The following IGF1R variants were observed in gnomAD, a reference collection of about 807,000 sequenced individuals.
The protein encoded by IGF1R is insulin like growth factor 1 receptor.
A neutral mutation model predicts 144.6 loss-of-function variants in IGF1R; 44 were observed. That is an observed-to-expected ratio of 0.30 (90% confidence interval 0.24 to 0.39). The LOEUF (loss-of-function observed/expected upper bound fraction) is 0.39. Among genes scored for constraint, IGF1R ranks in the 10% least tolerant of loss-of-function variants. The probability of loss-of-function intolerance (pLI) is 1.00; values close to 1 mark genes in which losing one functional copy is unlikely to be tolerated. For synonymous variants in IGF1R, 795 were observed against 722.8 expected, an observed-to-expected ratio of 1.10 and a Z score of -1.60; for missense variants, 1,355 against 1,833.7, an observed-to-expected ratio of 0.74 and a Z score of 4.77.
chr15:98,853,473 G>T (rs920623364), intron 2 of IGF1R, among the ~76,000 whole-genome samples: 50 of 152,192 alleles, frequency 3.3e-4, no homozygotes, highest in Non-Finnish European at 1.0e-4. Flanking sequence ...AATACAGCAT[G>T]TGGCATTCAG....
intron 2 of IGF1R, among the ~76,000 whole-genome samples, chr15:98,794,139 A>G (rs1013250444): frequency 3.6e-4 from 55 of 152,200 alleles, no homozygotes; most frequent in Non-Finnish European, 7.1e-4. Context: ...GTTCTTCAGC[A>G]GCTGTGAGTT....
chr15:98,935,090 A>G lies in IGF1R; in HGVS notation c.3186+37A>G. The G allele has an allele frequency of 6.6e-7, 1 of 1,507,248 alleles. No homozygotes were observed. Among genetic ancestry groups the G allele is most frequent in the Non-Finnish European group, 9.2e-7 (1 of 1,083,500 alleles). 93.4% of individuals were successfully genotyped at this position (1,507,248 alleles called of 1,614,324 possible). On this transcript the variant is annotated intron_variant, in intron 16 of 20. Transcript: ENST00000650285. The surrounding 1 kb of genome is among the most constrained non-coding windows in gnomAD (Gnocchi z 4.2). The stretch of plus-strand genomic sequence containing the variant: ...TTCCTGAAAAGCCAAAATGCAGCAC[A>G]GGGAGAGGGTATCACACAAGCCTCC...
At chr15:98,915,755 C>G (rs574626101) in intron 8 of IGF1R, among the ~76,000 whole-genome samples, 23 of 152,194 alleles carry the variant, frequency 1.5e-4, no homozygotes, top group Non-Finnish European at 2.8e-4. Context: ...CAGAGATTAC[C>G]GGAGGAAATA....
chr15:98,856,694 T>A (rs1319051348), intron 2 of IGF1R, among the ~76,000 whole-genome samples: 1 of 152,250 alleles, frequency 6.6e-6, no homozygotes, highest in South Asian at 2.1e-4. Context: ...TGCTGTTCTT[T>A]AGCAAAATAC....
chr15:98,681,418 A>T (rs1332831769), intron 1 of IGF1R, among the ~76,000 whole-genome samples: 2 of 152,184 alleles, frequency 1.3e-5, no homozygotes, highest in Non-Finnish European at 2.9e-5. Context: ...CAATGGGTGC[A>T]GGTAATGGGT....
chr15:98,896,901 G>A lies in IGF1R; in HGVS notation c.1098G>A (p.Arg366=), dbSNP rs201543446. The A allele has an allele frequency of 4.3e-6, 7 of 1,613,932 alleles. No homozygotes were observed. The highest frequency in any genetic ancestry group is 5.9e-6 in the Non-Finnish European group (7 of 1,179,968). Residue 366 remains arginine (R), a synonymous_variant, in exon 4 of 21, where the codon CGG becomes CGA. Coordinates refer to ENST00000650285, the MANE Select transcript of IGF1R (RefSeq NM_000875.5). ...FKGNLLINIR[R]GNNIASELEN... ...GCAATTTGCTCATTAACATCCGACG[G>A]GGGAGTAAGTATTCCATCCCCCTGG...
intron 2 of IGF1R, among the ~76,000 whole-genome samples, chr15:98,767,151 C>G (rs142161652): frequency 7.2e-4 from 109 of 152,206 alleles, no homozygotes; most frequent in Non-Finnish European, 1.3e-3. Flanking sequence ...CTCCCTAGAT[C>G]ATTATTTTTA....
Position 98,670,466 on chromosome 15 carries a change from A to G in IGF1R, c.94+20791A>G, listed in dbSNP as rs140305218. Among the ~76,000 whole-genome samples the G allele has an allele frequency of 9.9e-5, 15 of 152,246 alleles. No homozygotes were observed. The East Asian group carries it at 2.9e-3, about 29-fold the overall frequency. On this transcript the variant is annotated intron_variant, in intron 1 of 20. Transcript: ENST00000650285. ...ATCAGGGATGGTTTTCCAGGTCTGT[A>G]AAGGCTGGGGTAAGAGGAATGGTTG...
At chr15:98,679,005 C>G (rs542121006) in intron 1 of IGF1R, among the ~76,000 whole-genome samples, 2 of 146,848 alleles carry the variant, frequency 1.4e-5, no homozygotes, top group Non-Finnish European at 1.5e-5. Context: ...CACTGTAGCC[C>G]CAGCCCACTG....
At chr15:98,931,411 T>A (rs545676725) in intron 15 of IGF1R, among the ~76,000 whole-genome samples, 1 of 152,342 alleles carries the variant, frequency 6.6e-6, no homozygotes, top group Admixed American at 6.5e-5. Context: ...ACTTTAATAA[T>A]GTGAAAACAC....
At chr15:98,770,342 G>A (rs1034942225) in intron 2 of IGF1R, among the ~76,000 whole-genome samples, 5 of 152,230 alleles carry the variant, frequency 3.3e-5, no homozygotes, top group Admixed American at 1.3e-4. Context: ...ACTGGGAAAG[G>A]GGGCGATGAA....
chr15:98,852,605 C>A (rs8035410), intron 2 of IGF1R, among the ~76,000 whole-genome samples: 2 of 152,006 alleles, frequency 1.3e-5, no homozygotes, highest in Non-Finnish European at 2.9e-5. Context: ...GTGTTCCCCC[C>A]ACTAAGAAAG....
At chr15:98,839,228 A>C (rs748008131) in intron 2 of IGF1R, among the ~76,000 whole-genome samples, 1 of 152,228 alleles carries the variant, frequency 6.6e-6, no homozygotes. Context: ...CACTTTAGAG[A>C]CAAAAAATTG....
At chr15:98,827,611 A>C (rs1311499043) in intron 2 of IGF1R, among the ~76,000 whole-genome samples, 1 of 152,182 alleles carries the variant, frequency 6.6e-6, no homozygotes, top group Non-Finnish European at 1.5e-5. Flanking sequence ...GTGGTCATTT[A>C]AACTGCTAGT....
intron 11 of IGF1R, 148 bp downstream of exon 11, chr15:98,922,579 G>A (rs548568096): frequency 4.4e-6 from 4 of 912,642 alleles, no homozygotes; most frequent in Middle Eastern, 3.4e-4. Context: ...TTGGCAGGTG[G>A]CGTGTAGACC....
chr15:98,961,348 G>A lies in IGF1R; in HGVS notation c.*3906G>A, dbSNP rs1014091904. 1 of 233,370 alleles carries A rather than the reference G, an allele frequency of 4.3e-6. No homozygotes were observed. Among genetic ancestry groups the A allele is most frequent in the African/African-American group, 2.2e-5 (1 of 45,336 alleles). The allele number at this position is 233,370 out of a possible 1,614,324, so 14.5% of individuals were successfully genotyped here. On this transcript the variant is annotated 3_prime_UTR_variant, in exon 21 of 21. Transcript: ENST00000650285. Reference sequence around the variant, plus strand: ...TTTGTTTTATGTAGGTAGCTTTTAAGTAGAAAACACTAACAGTGTAGTGCC... The same window carrying A: ...TTTGTTTTATGTAGGTAGCTTTTAAATAGAAAACACTAACAGTGTAGTGCC...
chr15:98,849,005 G>A (rs779692923), intron 2 of IGF1R, among the ~76,000 whole-genome samples: 16 of 152,232 alleles, frequency 1.1e-4, no homozygotes, highest in South Asian at 4.1e-4. Context: ...TCAGTTCTCC[G>A]TAAGTTTTTC....
rs542735046 is a variant in IGF1R, at chr15:98,957,917, A to C, written c.*475A>C. 4.2e-6 allele frequency: 1 copy of C among 239,836 alleles called. No individual in the cohort carries two copies. The highest frequency in any genetic ancestry group is 6.0e-5 in the East Asian group (1 of 16,676). 14.9% of individuals were successfully genotyped at this position (239,836 alleles called of 1,614,324 possible). A position where few individuals can be genotyped will look rare whatever the true frequency, so the allele number is the denominator to read the frequency against. The stretch of plus-strand genomic sequence containing the variant: ...CTGACACCGTGGGTCATTACAAAAA[A>C]ACACGTGGAGATGGAAATTTTTACC... On this transcript the variant is annotated 3_prime_UTR_variant, in exon 21 of 21. Coordinates refer to ENST00000650285, the MANE Select transcript of IGF1R (RefSeq NM_000875.5).
chr15:98,695,579 C>T (rs547003764), intron 1 of IGF1R, among the ~76,000 whole-genome samples: 2 of 152,334 alleles, frequency 1.3e-5, no homozygotes, highest in African/African-American at 4.8e-5. Context: ...CATCAGTTTC[C>T]TTAGCTGCAA....
Sources: allele counts gnomAD v4.1 joint callset (sites outside exome capture counted in the v4.1 genomes callset), GRCh38; gene constraint gnomAD v4.1.1; non-coding constraint Gnocchi (gnomAD v3.1); transcripts MANE v1.5; gene names NCBI Gene and HGNC (gene_info 2026-07-23, HGNC 2026-07-21).